Variants in TBCD observed in about 807,000 individuals in gnomAD.
The protein encoded by TBCD is tubulin folding cofactor D.
TBCD carries 105 observed loss-of-function variants against 169.3 expected under a neutral mutation model. The ratio of observed to expected loss-of-function variants is 0.62; its 90% CI spans 0.53 to 0.73. The LOEUF (loss-of-function observed/expected upper bound fraction) is 0.73. TBCD is among the 30% of genes least tolerant of loss of function. The pLI, the probability that TBCD is intolerant of heterozygous loss-of-function variation, is 0.00. For missense variants in TBCD, 1,444 were observed against 1,600.1 expected (o/e 0.90, Z 1.66); for synonymous variants, 700 against 643.9 (o/e 1.09, Z -1.32).
rs909873601 is a variant in TBCD at position 82,923,191 on chromosome 17, T to C, written c.2179-461T>C. Among the ~76,000 whole-genome samples, 6 of 152,142 alleles carry C rather than the reference T, an allele frequency of 3.9e-5. No individual in the cohort carries two copies. The highest frequency in any genetic ancestry group is 5.9e-5 in the Non-Finnish European group (4 of 68,014). ...CATAACTATTTCTGGGAAAGAAAAA[T>C]ATGCTCCATTTTATTATTGTTCCAT... On this transcript the variant is annotated intron_variant, in intron 25 of 38. Transcript: ENST00000355528. The surrounding 1 kb of genome is among the most constrained non-coding windows in gnomAD (Gnocchi z 4.6).
At chr17:82,910,047 C>T (rs1055475307) in intron 22 of TBCD, among the ~76,000 whole-genome samples, 4 of 152,268 alleles carry the variant, frequency 2.6e-5, no homozygotes, top group Non-Finnish European at 1.5e-5. Flanking sequence ...GCCGTGTTAT[C>T]CACTCACCAG....
chr17:82,900,928 G>T (rs769781867), intron 18 of TBCD, among the ~76,000 whole-genome samples, 197 bp downstream of exon 18: 1 of 152,260 alleles, frequency 6.6e-6, no homozygotes, highest in Non-Finnish European at 1.5e-5. Flanking sequence ...CTTCTGGAGC[G>T]CCTGGTCCAG....
At chr17:82,772,427 G>A in intron 5 of TBCD, 25 bp from the exon 6 acceptor site, 1 of 1,613,928 alleles carries the variant, frequency 6.2e-7, no homozygotes, top group Non-Finnish European at 8.5e-7. Context: ...GAGTGACCGT[G>A]TCTGTGCTTC....
chr17:82,845,432 G>A (rs1381532935), intron 13 of TBCD, among the ~76,000 whole-genome samples: 11 of 147,128 alleles, frequency 7.5e-5, no homozygotes, highest in African/African-American at 2.8e-4. Context: ...ATCTTGTCCG[G>A]CCCGGCCCCT....
chr17:82,792,097 CAA>C (rs2049774404), intron 7 of TBCD, among the ~76,000 whole-genome samples: 1 of 152,208 alleles, frequency 6.6e-6, no homozygotes, highest in Non-Finnish European at 1.5e-5. Context: ...ATCACGAGGT[CAA>C]GAGATCGAGA....
intron 5 of TBCD, among the ~76,000 whole-genome samples, chr17:82,769,696 G>A (rs2048205496): frequency 6.6e-6 from 1 of 152,030 alleles, no homozygotes; most frequent in Admixed American, 6.6e-5. Flanking sequence ...GGCCAACATG[G>A]TGAAACCCTG....
At chr17:82,932,172 C>A in intron 33 of TBCD, 1 of 216,620 alleles carries the variant, frequency 4.6e-6, no homozygotes, top group Admixed American at 5.3e-5. Context: ...AATCCGTGGT[C>A]ACTGAGATTT....
intron 37 of TBCD, among the ~76,000 whole-genome samples, chr17:82,939,990 T>C (rs771147986): frequency 3.3e-5 from 5 of 152,138 alleles, no homozygotes; most frequent in Non-Finnish European, 7.4e-5. Context: ...GCAGGCACAG[T>C]TTCTGCAACA....
intron 21 of TBCD, among the ~76,000 whole-genome samples, chr17:82,908,657 T>G (rs1185966590): frequency 6.6e-6 from 1 of 152,228 alleles, no homozygotes; most frequent in Non-Finnish European, 1.5e-5. Context: ...GGCCTCCCCC[T>G]CTGACCGAGA....
rs2061324645 is a variant in TBCD, at chr17:82,920,075, T to G, written c.2039-481T>G. ...TGCGTCCTGGCCCCCTCGTGGCTGG[T>G]CAGGGCCACGTTTCTGGTCATGGAG... On this transcript the variant is annotated intron_variant, in intron 23 of 38. Transcript: ENST00000355528. This position sits in a 1 kb window ranked among gnomAD's most constrained non-coding sequence, Gnocchi z 4.1. Among the ~76,000 whole-genome samples, 1 of 152,102 alleles carries G rather than the reference T, an allele frequency of 6.6e-6. No homozygotes were observed. Among genetic ancestry groups the G allele is most frequent in the Non-Finnish European group, 1.5e-5 (1 of 67,996 alleles).
At chr17:82,886,028 C>G (rs2058683678) in intron 15 of TBCD, 1 of 152,208 alleles carries the variant, frequency 6.6e-6, no homozygotes, top group African/African-American at 2.4e-5. Flanking sequence ...GAGGTCACCC[C>G]TGTGAGGCCC....
At chr17:82,791,548 A>G (rs1479708730) in intron 7 of TBCD, among the ~76,000 whole-genome samples, 2 of 152,058 alleles carry the variant, frequency 1.3e-5, no homozygotes, top group Non-Finnish European at 2.9e-5. Flanking sequence ...GGTCACACAC[A>G]CCTGAACGGG....
intron 10 of TBCD, among the ~76,000 whole-genome samples, chr17:82,807,128 C>T (rs1436090383): frequency 1.3e-5 from 2 of 152,238 alleles, no homozygotes; most frequent in African/African-American, 4.8e-5. Context: ...GCTTGCAGGG[C>T]CCTCACCGTG....
intron 13 of TBCD, chr17:82,858,589 CT>C (rs762184115): frequency 5.3e-5 from 52 of 985,336 alleles, no homozygotes; most frequent in Non-Finnish European, 6.1e-5. Context: ...GATGACAGTG[CT>C]GTGTGGACGG....
Position 82,864,689 on chromosome 17 carries a change from C to T in TBCD, c.1319-5535C>T, listed in dbSNP as rs1196275545. On this transcript the variant is annotated intron_variant, in intron 13 of 38. Transcript: ENST00000355528. The surrounding 1 kb of genome is among the most constrained non-coding windows in gnomAD (Gnocchi z 6.3). ...GTGACTTTCCTGTGGAAAGAGCGGG[C>T]TTGGGGCTTGGTGCGTGATCCCACC... 6.6e-6 allele frequency among the ~76,000 whole-genome samples: 1 copy of T among 152,150 alleles called. No homozygotes were observed. Among genetic ancestry groups the T allele is most frequent in the Non-Finnish European group, 1.5e-5 (1 of 68,022 alleles).
intron 13 of TBCD, among the ~76,000 whole-genome samples, chr17:82,855,264 T>TAA (rs2056170935): frequency 1.1e-5 from 1 of 89,958 alleles, no homozygotes; most frequent in African/African-American, 4.5e-5. Flanking sequence ...TTTTTTTTTT[T>TAA]TTTTTTTAAT....
rs1434356834 is a variant in TBCD at position 82,920,957 on chromosome 17, C to T, written c.2101+339C>T. Reference sequence around the variant, plus strand: ...CAGGCCCTCGTGGACCAGGAGCGTGCCGGCCGCCGACACCACGGACCCTGT... The same window carrying T: ...CAGGCCCTCGTGGACCAGGAGCGTGTCGGCCGCCGACACCACGGACCCTGT... On this transcript the variant is annotated intron_variant, in intron 24 of 38. Coordinates refer to ENST00000355528, the MANE Select transcript of TBCD (RefSeq NM_005993.5). This position sits in a 1 kb window ranked among gnomAD's most constrained non-coding sequence, Gnocchi z 4.1. 2 of 328,376 alleles carry T rather than the reference C, an allele frequency of 6.1e-6. No individual in the cohort carries two copies. Among genetic ancestry groups the T allele is most frequent in the Non-Finnish European group, 1.1e-5 (2 of 178,240 alleles). The allele number at this position is 328,376 out of a possible 1,614,324, so 20.3% of individuals were successfully genotyped here.
In TBCD at chr17:82,879,334, T is replaced by C. The variant is rs537791730; in HGVS notation, c.1476-4811T>C. 1.9e-3 allele frequency among the ~76,000 whole-genome samples: 291 copies of C among 152,302 alleles called. 3 individuals carry two copies. The highest frequency in any genetic ancestry group is 6.9e-3 in the African/African-American group (285 of 41,568). On this transcript the variant is annotated intron_variant, in intron 14 of 38. Coordinates refer to ENST00000355528, the MANE Select transcript of TBCD (RefSeq NM_005993.5). ...CACCAGCTCTAGCCCAGCTTCCTCC[T>C]GGCCTCCCTTCGTGTGCCGCTTCTG...
chr17:82,942,613 C>A lies in TBCD; in HGVS notation c.*150C>A. ...AGGCTGGCACTAGCTGACAGCTTTT[C>A]CTCTCTGCACCTGCGCTCTGGTGAC... On this transcript the variant is annotated 3_prime_UTR_variant, in exon 39 of 39. Transcript: ENST00000355528. 1 of 962,896 alleles carries A rather than the reference C, an allele frequency of 1.0e-6. No individual in the cohort carries two copies. Among genetic ancestry groups the A allele is most frequent in the Non-Finnish European group, 1.6e-6 (1 of 621,614 alleles). 59.6% of individuals were successfully genotyped at this position (962,896 alleles called of 1,614,324 possible).
Sources: allele counts gnomAD v4.1 joint callset (sites outside exome capture counted in the v4.1 genomes callset), GRCh38; gene constraint gnomAD v4.1.1; non-coding constraint Gnocchi (gnomAD v3.1); transcripts MANE v1.5; gene names NCBI Gene and HGNC (gene_info 2026-07-23, HGNC 2026-07-21).